The following RIMS2 variants were observed in gnomAD, a reference collection of about 807,000 sequenced individuals.
RIMS2 encodes the protein regulating synaptic membrane exocytosis protein 2.
RIMS2 carries 59 observed loss-of-function variants against 174.4 expected under a neutral mutation model. The observed-to-expected ratio is 0.34, with a 90% confidence interval of 0.27 to 0.42. The LOEUF (loss-of-function observed/expected upper bound fraction) is 0.42. RIMS2 is among the 10% of genes least tolerant of loss of function. The probability of loss-of-function intolerance (pLI) is 1.00; values close to 1 mark genes in which losing one functional copy is unlikely to be tolerated. For synonymous variants in RIMS2, 606 were observed against 572.5 expected, an observed-to-expected ratio of 1.06 and a Z score of -0.84; for missense variants, 1,620 against 1,666.3, an observed-to-expected ratio of 0.97 and a Z score of 0.48.
chr8:104,039,216 T>C (rs999795079), intron 19 of RIMS2, among the ~76,000 whole-genome samples: 3 of 151,826 alleles, frequency 2.0e-5, no homozygotes, highest in Admixed American at 2.0e-4. Context: ...GAGAGAATTA[T>C]TTTTTCTTCT....
intron 19 of RIMS2, among the ~76,000 whole-genome samples, chr8:104,086,693 C>G (rs991371118): frequency 3.3e-5 from 5 of 152,116 alleles, no homozygotes; most frequent in African/African-American, 1.2e-4. Flanking sequence ...TCGACTACCG[C>G]TTTTTACTTT....
At chr8:104,195,201 A>G (rs1211374130) in intron 19 of RIMS2, among the ~76,000 whole-genome samples, 1 of 152,150 alleles carries the variant, frequency 6.6e-6, no homozygotes, top group African/African-American at 2.4e-5. Context: ...AGAAGAATTG[A>G]TTTTATAGAT....
At chr8:104,007,823 A>G (rs935193074) in intron 17 of RIMS2, among the ~76,000 whole-genome samples, 1 of 152,122 alleles carries the variant, frequency 6.6e-6, no homozygotes. Flanking sequence ...TTGTTCTGTT[A>G]GTTGGGGTGT....
chr8:103,581,897 C>T (rs1002369931), intron 1 of RIMS2, among the ~76,000 whole-genome samples: 10 of 152,058 alleles, frequency 6.6e-5, no homozygotes, highest in South Asian at 2.1e-4. Flanking sequence ...CGAACTAGGC[C>T]GAGAGACAGT....
At position 103,657,376 on chromosome 8, in the gene RIMS2, A is replaced by G. The variant is rs1413215374; in HGVS notation, c.177-39710A>G. On this transcript the variant is annotated intron_variant, in intron 1 of 23. Transcript: ENST00000504942. Reference sequence around the variant, plus strand: ...CTTAATTATGTAAGACAGAAGTGTCATAGGTCACTTTTGCTCACAGATTAT... The same window carrying G: ...CTTAATTATGTAAGACAGAAGTGTCGTAGGTCACTTTTGCTCACAGATTAT... Among the ~76,000 whole-genome samples, 6 of 152,334 alleles carry G rather than the reference A, an allele frequency of 3.9e-5. No homozygotes were observed. In the South Asian group the frequency reaches 1.2e-3, roughly 32 times the overall value.
chr8:103,678,507 T>C (rs1252083333), intron 1 of RIMS2, among the ~76,000 whole-genome samples: 1 of 152,162 alleles, frequency 6.6e-6, no homozygotes, highest in Non-Finnish European at 1.5e-5. Context: ...TGTTAAGGAA[T>C]ACCTCTCCAA....
chr8:104,025,912 G>T (rs2096247028), intron 19 of RIMS2, among the ~76,000 whole-genome samples: 1 of 152,140 alleles, frequency 6.6e-6, no homozygotes, highest in African/African-American at 2.4e-5. Flanking sequence ...AAGCTGTACA[G>T]GTTTGTAGTC....
chr8:103,646,707 T>C (rs890963574), intron 1 of RIMS2, among the ~76,000 whole-genome samples: 1 of 151,930 alleles, frequency 6.6e-6, no homozygotes, highest in East Asian at 1.9e-4. Context: ...GCTTTATCCA[T>C]GTCCCTGCAA....
chr8:103,676,923 G>T (rs1013067050), intron 1 of RIMS2, among the ~76,000 whole-genome samples: 2 of 152,188 alleles, frequency 1.3e-5, no homozygotes, highest in East Asian at 3.8e-4. Context: ...GGCAGAGGTT[G>T]CAGTGAGCTG....
At chr8:103,731,868 T>C (rs2097600353) in intron 2 of RIMS2, among the ~76,000 whole-genome samples, 1 of 152,220 alleles carries the variant, frequency 6.6e-6, no homozygotes, top group African/African-American at 2.4e-5. Flanking sequence ...TATCTTGAAT[T>C]TCAATGAGCT....
intron 2 of RIMS2, among the ~76,000 whole-genome samples, chr8:103,722,984 C>T (rs992722187): frequency 2.0e-5 from 3 of 152,130 alleles, no homozygotes; most frequent in Non-Finnish European, 4.4e-5. Flanking sequence ...TGGTGGGGCA[C>T]ACCTGTAATC....
intron 19 of RIMS2, among the ~76,000 whole-genome samples, chr8:104,121,837 C>T (rs2098379743): frequency 6.6e-6 from 1 of 152,114 alleles, no homozygotes; most frequent in African/African-American, 2.4e-5. Context: ...TGACACACGC[C>T]TGTAATCCCA....
At chr8:103,754,215 C>T (rs2097942201) in intron 2 of RIMS2, among the ~76,000 whole-genome samples, 1 of 152,170 alleles carries the variant, frequency 6.6e-6, no homozygotes, top group Non-Finnish European at 1.5e-5. Flanking sequence ...GCAGGTTGTT[C>T]AGTTTCCATG....
intron 1 of RIMS2, among the ~76,000 whole-genome samples, chr8:103,620,683 A>T (rs941505754): frequency 5.8e-5 from 3 of 52,052 alleles, no homozygotes; most frequent in African/African-American, 4.5e-4. Context: ...TGTGATCATC[A>T]GGAACTTTAT....
chr8:103,550,019 A>G (rs1375977776), intron 1 of RIMS2, among the ~76,000 whole-genome samples: 2 of 152,156 alleles, frequency 1.3e-5, no homozygotes, highest in African/African-American at 2.4e-5. Context: ...AGACTTTAAC[A>G]CCTCACTGTC....
At position 103,538,521 on chromosome 8, in the gene RIMS2, C is replaced by T. The variant is rs563209702; in HGVS notation, c.176+37459C>T. On this transcript the variant is annotated intron_variant, in intron 1 of 23. Transcript: ENST00000504942. ...CCCAAGTCCCCAAAGTCCATTGTAT[C>T]ATTCTTTTTTTTGGAGATGGAGTCT... 3.4e-4 allele frequency among the ~76,000 whole-genome samples: 49 copies of T among 143,438 alleles called. 1 individual carries two copies. Among genetic ancestry groups the T allele is most frequent in the Non-Finnish European group, 1.4e-4 (9 of 65,362 alleles). 94.1% of individuals were successfully genotyped at this position (143,438 alleles called of 152,430 possible). A position where few individuals can be genotyped will look rare whatever the true frequency, so the allele number is the denominator to read the frequency against.
Position 103,680,388 on chromosome 8 carries a change from A to T in RIMS2, c.177-16698A>T, listed in dbSNP as rs559415485. Among the ~76,000 whole-genome samples, 3 of 152,184 alleles carry T rather than the reference A, an allele frequency of 2.0e-5. No homozygotes were observed. In the South Asian group the frequency reaches 6.2e-4, roughly 32 times the overall value. ...ACATATAAAAATAAACTTCAGATTGATTAAAAGCCTAAATATGACTGGTAA... is the reference window on the plus strand; with the variant it reads ...ACATATAAAAATAAACTTCAGATTGTTTAAAAGCCTAAATATGACTGGTAA... On this transcript the variant is annotated intron_variant, in intron 1 of 23. Coordinates refer to ENST00000504942, the Ensembl canonical transcript of RIMS2.
chr8:103,966,107 TTGTC>T (rs1159499446), intron 15 of RIMS2, among the ~76,000 whole-genome samples: 1 of 152,142 alleles, frequency 6.6e-6, no homozygotes, highest in Non-Finnish European at 1.5e-5. Flanking sequence ...TTTAATGTCT[TTGTC>T]TGGTTTTGAT....
chr8:103,805,115 A>G (rs2098641497), intron 3 of RIMS2, among the ~76,000 whole-genome samples: 1 of 152,104 alleles, frequency 6.6e-6, no homozygotes, highest in East Asian at 1.9e-4. Flanking sequence ...AAGTGTGTGT[A>G]TCTATTTTTA....
Sources: allele counts gnomAD v4.1 joint callset (sites outside exome capture counted in the v4.1 genomes callset), GRCh38; gene constraint gnomAD v4.1.1; transcripts MANE v1.5; gene names NCBI Gene and HGNC (gene_info 2026-07-23, HGNC 2026-07-21).